CFAP299: variants seen among roughly 807,000 people sequenced by gnomAD.
CFAP299 encodes the protein cilia and flagella associated protein 299.
A neutral mutation model predicts 27.0 loss-of-function variants in CFAP299; 21 were observed. The observed-to-expected ratio is 0.78, with a 90% CI of 0.55 to 1.12. The LOEUF (loss-of-function observed/expected upper bound fraction) is 1.12, where lower values mean the gene tolerates loss of function less well. Ranked by LOEUF, CFAP299 falls within the 50% of genes most tolerant of loss-of-function variation. The pLI, the probability that CFAP299 is intolerant of heterozygous loss-of-function variation, is 0.00. For missense variants in CFAP299, 310 were observed against 276.6 expected (o/e 1.12, Z -0.86); for synonymous variants, 104 against 98.1 (o/e 1.06, Z -0.36).
chr4:80,561,128 A>C lies in CFAP299; in HGVS notation c.243-21965A>C, dbSNP rs926948144. Among the ~76,000 whole-genome samples the C allele has an allele frequency of 7.9e-5, 12 of 152,284 alleles. No homozygotes were observed. In the East Asian group the frequency reaches 2.1e-3, roughly 27 times the overall value. ...GGCTCAGAACAGAGACAGAGAGTCT[A>C]TATGCTTGGGAGAATGTAAGAGAAG... On this transcript the variant is annotated intron_variant, in intron 2 of 5. Coordinates refer to ENST00000358105, the MANE Select transcript of CFAP299 (RefSeq NM_152770.3).
chr4:80,588,982 G>GA (rs1736588899), intron 3 of CFAP299, among the ~76,000 whole-genome samples: 1 of 152,086 alleles, frequency 6.6e-6, no homozygotes, highest in Non-Finnish European at 1.5e-5. Flanking sequence ...TTCAAATCTA[G>GA]GCAGTCTGGC....
At chr4:80,850,583 A>T (rs1401251253) in intron 3 of CFAP299, among the ~76,000 whole-genome samples, 2 of 152,008 alleles carry the variant, frequency 1.3e-5, no homozygotes, top group Admixed American at 6.6e-5. Flanking sequence ...ACACAAAAGG[A>T]ATTATATGTA....
At position 80,692,718 on chromosome 4, in the gene CFAP299, C is replaced by T. The variant is rs574370271; in HGVS notation, c.333+109535C>T. Among the ~76,000 whole-genome samples the T allele has an allele frequency of 5.0e-3, 766 of 152,218 alleles. 5 individuals carry two copies. Among genetic ancestry groups the T allele is most frequent in the Middle Eastern group, 0.021 (6 of 292 alleles). On this transcript the variant is annotated intron_variant, in intron 3 of 5. Coordinates refer to ENST00000358105, the MANE Select transcript of CFAP299 (RefSeq NM_152770.3). ...AATGGGATCTAATTAAACTAAAGAG[C>T]TTCTGCACAGCAAAAGAAACTACCA...
intron 4 of CFAP299, among the ~76,000 whole-genome samples, chr4:80,903,526 C>T (rs1004492626): frequency 1.6e-4 from 24 of 151,856 alleles, no homozygotes; most frequent in Non-Finnish European, 3.1e-4. Flanking sequence ...ATTAAAGTCA[C>T]CCATAACTTT....
chr4:80,363,802 T>C (rs1441131029), intron 2 of CFAP299, among the ~76,000 whole-genome samples: 5 of 152,060 alleles, frequency 3.3e-5, no homozygotes, highest in Non-Finnish European at 7.4e-5. Flanking sequence ...AAATAACACA[T>C]TTCTGGCCAG....
At chr4:80,588,923 G>T (rs1736584075) in intron 3 of CFAP299, among the ~76,000 whole-genome samples, 1 of 152,100 alleles carries the variant, frequency 6.6e-6, no homozygotes, top group African/African-American at 2.4e-5. Flanking sequence ...GCACGAAGAG[G>T]TTGAACATCT....
intron 2 of CFAP299, among the ~76,000 whole-genome samples, chr4:80,374,191 T>C (rs2110012425): frequency 6.6e-6 from 1 of 152,296 alleles, no homozygotes; most frequent in East Asian, 1.9e-4. Flanking sequence ...CTCTGACTTA[T>C]TTAGTCTTAT....
At chr4:80,705,336 G>A (rs1721757843) in intron 3 of CFAP299, among the ~76,000 whole-genome samples, 1 of 151,792 alleles carries the variant, frequency 6.6e-6, no homozygotes, top group Non-Finnish European at 1.5e-5. Flanking sequence ...TGGCTGCCAA[G>A]GTGGTACAGT....
chr4:80,327,719 T>TATATATATATAC, the CFAP299 span, among the ~76,000 whole-genome samples: 4 of 138,318 alleles, frequency 2.9e-5, no homozygotes, highest in Admixed American at 2.8e-4. Flanking sequence ...TATATATATA[T>TATATATATATAC]ATAACTTCAA....
chr4:80,743,049 G>T (rs1019314256), intron 3 of CFAP299, among the ~76,000 whole-genome samples: 1 of 152,112 alleles, frequency 6.6e-6, no homozygotes, highest in Non-Finnish European at 1.5e-5. Flanking sequence ...TAACTTGGTT[G>T]CTCTAACTGC....
At chr4:80,801,314 A>T (rs1560420237) in intron 3 of CFAP299, among the ~76,000 whole-genome samples, 1 of 152,040 alleles carries the variant, frequency 6.6e-6, no homozygotes, top group Non-Finnish European at 1.5e-5. Context: ...ATCCCAAGAA[A>T]GCATTATGGA....
chr4:80,630,044 T>C (rs918199743), intron 3 of CFAP299, among the ~76,000 whole-genome samples: 43 of 152,004 alleles, frequency 2.8e-4, no homozygotes, highest in African/African-American at 9.9e-4. Context: ...ATTCGTGAAC[T>C]GATCATAGGA....
intron 3 of CFAP299, among the ~76,000 whole-genome samples, chr4:80,800,431 A>T (rs1366356555): frequency 3.2e-5 from 2 of 62,058 alleles, no homozygotes; most frequent in East Asian, 1.4e-3. Flanking sequence ...AATATATATA[A>T]TATATAATAT....
intron 3 of CFAP299, among the ~76,000 whole-genome samples, chr4:80,746,745 C>T (rs191241485): frequency 1.2e-4 from 18 of 152,010 alleles, no homozygotes; most frequent in African/African-American, 4.1e-4. Context: ...ACAGCTGTTT[C>T]CATATATTTC....
intron 3 of CFAP299, among the ~76,000 whole-genome samples, chr4:80,661,279 T>C (rs1740830459): frequency 6.7e-6 from 1 of 150,366 alleles, no homozygotes; most frequent in Non-Finnish European, 1.5e-5. Context: ...TGAGCCCAGA[T>C]TGCTCCATTG....
At chr4:80,907,129 G>C (rs1735224050) in intron 4 of CFAP299, among the ~76,000 whole-genome samples, 1 of 152,082 alleles carries the variant, frequency 6.6e-6, no homozygotes, top group Admixed American at 6.6e-5. Flanking sequence ...AGACCTCTAG[G>C]GCAGGGTCAA....
chr4:80,852,875 T>C (rs1487465727), intron 3 of CFAP299, among the ~76,000 whole-genome samples: 1 of 152,202 alleles, frequency 6.6e-6, no homozygotes, highest in Admixed American at 6.5e-5. Context: ...ATATCATCAA[T>C]GCATTCACTC....
chr4:80,441,841 A>T (rs1422157325), intron 2 of CFAP299, among the ~76,000 whole-genome samples: 1 of 152,222 alleles, frequency 6.6e-6, no homozygotes, highest in African/African-American at 2.4e-5. Flanking sequence ...ACATAGGCTT[A>T]AAATAAAGGG....
intron 3 of CFAP299, among the ~76,000 whole-genome samples, chr4:80,771,495 G>C (rs1726214708): frequency 5.1e-5 from 2 of 38,908 alleles, no homozygotes; most frequent in South Asian, 3.4e-3. Context: ...ATGAAAACTA[G>C]TTATGCATAT....
Sources: allele counts gnomAD v4.1 joint callset (sites outside exome capture counted in the v4.1 genomes callset), GRCh38; gene constraint gnomAD v4.1.1; transcripts MANE v1.5; gene names NCBI Gene and HGNC (gene_info 2026-07-23, HGNC 2026-07-21).